RP1: variants seen among roughly 807,000 people sequenced by gnomAD.
RP1 encodes RP1 axonemal microtubule associated.
Under a neutral mutation model 14.8 loss-of-function variants are expected in RP1, and 16 were observed. The ratio of observed to expected loss-of-function variants is 1.08; its 90% CI spans 0.73 to 1.65. The LOEUF (loss-of-function observed/expected upper bound fraction) is 1.65. Among genes scored for constraint, RP1 ranks in the 40% most tolerant of loss-of-function variants. RP1 has a pLI of 0.00. For missense variants in RP1, 2,631 were observed against 2,535.0 expected, an observed-to-expected ratio of 1.04 and a Z score of -0.81; for synonymous variants, 876 against 883.6, an observed-to-expected ratio of 0.99 and a Z score of 0.15.
chr8:54,589,578 G>C (rs1022350718), intron 1 of RP1, among the ~76,000 whole-genome samples: 1 of 152,134 alleles, frequency 6.6e-6, no homozygotes, highest in East Asian at 1.9e-4. Flanking sequence ...CTGCTGCTCA[G>C]CTCTTCCTGA....
intron 23 of RP1, among the ~76,000 whole-genome samples, chr8:54,776,018 G>GA (rs1296760558): frequency 1.3e-5 from 2 of 151,722 alleles, no homozygotes; most frequent in Non-Finnish European, 2.9e-5. Flanking sequence ...AAAAGTTCCA[G>GA]AAAAAAACCC....
At position 54,835,768 on chromosome 8, in the gene RP1, A is replaced by T. The variant is rs554156523; in HGVS notation, c.3616-1682A>T. Reference sequence around the variant, plus strand: ...TAACTTTCAGACTCAGGTCTGTCTGATATCAAAACCTGAGGTTCCATATTT... The same window carrying T: ...TAACTTTCAGACTCAGGTCTGTCTGTTATCAAAACCTGAGGTTCCATATTT... On this transcript the variant is annotated intron_variant, in intron 24 of 28. Transcript: ENST00000637698. 3.3e-5 allele frequency among the ~76,000 whole-genome samples: 5 copies of T among 152,288 alleles called. No individual in the cohort carries two copies. In the South Asian group the frequency reaches 1.0e-3, roughly 32 times the overall value.
At chr8:54,790,424 G>A (rs937273711) in intron 24 of RP1, among the ~76,000 whole-genome samples, 1 of 152,126 alleles carries the variant, frequency 6.6e-6, no homozygotes, top group South Asian at 2.1e-4. Flanking sequence ...AGAATATAAG[G>A]ATCACAAAGA....
chr8:54,569,850 A>T (rs1231641492), intron 1 of RP1, among the ~76,000 whole-genome samples: 1 of 152,224 alleles, frequency 6.6e-6, no homozygotes, highest in Non-Finnish European at 1.5e-5. Context: ...TGTCAGAAAG[A>T]AGCCCAGTCA....
chr8:54,617,350 CTTA>C (rs1269189650), intron 1 of RP1, among the ~76,000 whole-genome samples: 1 of 152,150 alleles, frequency 6.6e-6, no homozygotes, highest in Non-Finnish European at 1.5e-5. Context: ...TAAGATACAC[CTTA>C]TTATCGAAAA....
chr8:54,684,061 T>A (rs1807497140), intron 12 of RP1, among the ~76,000 whole-genome samples: 1 of 151,908 alleles, frequency 6.6e-6, no homozygotes, highest in South Asian at 2.1e-4. Flanking sequence ...CTGTGTCTAT[T>A]GAGATAATCG....
In RP1 at chr8:54,570,992, A is replaced by G. The variant is rs113983265; in HGVS notation, c.-13+11672A>G. Among the ~76,000 whole-genome samples the G allele has an allele frequency of 1.7e-4, 26 of 152,292 alleles. No homozygotes were observed. The East Asian group carries it at 4.7e-3, about 27-fold the overall frequency. Reference sequence around the variant, plus strand: ...GTGGCCTAGGCAGGCAGGAGGGCTCATGTCAGCTGTGACTGGCCGTCATCA... The same window carrying G: ...GTGGCCTAGGCAGGCAGGAGGGCTCGTGTCAGCTGTGACTGGCCGTCATCA... On this transcript the variant is annotated intron_variant, in intron 1 of 22. Coordinates refer to the RP1 transcript ENST00000636932.
chr8:54,852,484 G>T, intron 25 of RP1: 1 of 940,330 alleles, frequency 1.1e-6, no homozygotes, highest in South Asian at 5.6e-5. Flanking sequence ...CTAGATGAAA[G>T]AACATTCTGA....
Position 54,627,538 on chromosome 8 carries a change from G to A in RP1, c.3656G>A (p.Ser1219Asn), listed in dbSNP as rs139588212. Residue 1219 changes from serine (S) to asparagine (N), a missense_variant, in exon 4 of 4, where the codon AGT becomes AAT. Physicochemically the swap from Ser to Asn is conservative, Grantham distance 46. Transcript: ENST00000220676. ...AATTGTTCCACGGTCAACATTCAGAGTGTTCCTAAGTGCAGTGAAAATGAA... is the reference window on the plus strand; with the variant it reads ...AATTGTTCCACGGTCAACATTCAGAATGTTCCTAAGTGCAGTGAAAATGAA... ...SANCSTVNIQ[S>N]VPKCSENERT... is the part of the protein sequence containing the mutation. 9.9e-6 allele frequency: 16 copies of A among 1,614,044 alleles called. No homozygotes were observed. In the African/African-American group the frequency reaches 2.1e-4, roughly 22 times the overall value.
intron 16 of RP1, chr8:54,726,315 G>T (rs1808652651): frequency 6.6e-7 from 1 of 1,508,386 alleles, no homozygotes; most frequent in Non-Finnish European, 8.8e-7. Flanking sequence ...GATTTTGAAA[G>T]GATGGCATCT....
intron 19 of RP1, among the ~76,000 whole-genome samples, chr8:54,751,593 C>T (rs1348128404): frequency 6.6e-6 from 1 of 152,188 alleles, no homozygotes; most frequent in East Asian, 1.9e-4. Context: ...CAAGGCCATA[C>T]ATCTGGTAAA....
intron 26 of RP1, among the ~76,000 whole-genome samples, chr8:54,853,150 A>G (rs1812093928): frequency 6.6e-6 from 1 of 152,200 alleles, no homozygotes; most frequent in Non-Finnish European, 1.5e-5. Context: ...GAAGCTTGGA[A>G]TCAAGAAGCC....
chr8:54,783,638 A>G, exon 24 of RP1: 1 of 1,231,508 alleles, frequency 8.1e-7, no homozygotes, highest in Non-Finnish European at 1.0e-6. Flanking sequence ...GAGAAACAAA[A>G]TGTTCAGGTC....
intron 13 of RP1, among the ~76,000 whole-genome samples, chr8:54,701,081 T>A (rs16920650): frequency 2.6e-4 from 39 of 152,182 alleles, no homozygotes; most frequent in African/African-American, 9.2e-4. Flanking sequence ...CATAACCTTC[T>A]CAATTTGTTT....
chr8:54,713,375 A>G (rs1471326037), intron 15 of RP1, among the ~76,000 whole-genome samples: 1 of 152,208 alleles, frequency 6.6e-6, no homozygotes, highest in Admixed American at 6.5e-5. Flanking sequence ...TTAAAATAAC[A>G]TGGGTGGAAC....
At position 54,821,997 on chromosome 8, in the gene RP1, G is replaced by A. The variant is rs370383551; in HGVS notation, c.3616-15453G>A. 2.6e-5 allele frequency among the ~76,000 whole-genome samples: 4 copies of A among 152,276 alleles called. No individual in the cohort carries two copies. The East Asian group carries it at 5.8e-4, about 22-fold the overall frequency. ...ACTTAACAAGGCTTCCATTGGCTAA[G>A]CTGCAAAGACCATCATCATAATAGT... On this transcript the variant is annotated intron_variant, in intron 24 of 28. Transcript: ENST00000637698.
intron 17 of RP1, chr8:54,726,598 T>G (rs1808660696): frequency 1.0e-6 from 1 of 1,000,996 alleles, no homozygotes; most frequent in Middle Eastern, 2.4e-4. Context: ...CCACATGGAC[T>G]GCTTGTAAGC....
intron 12 of RP1, among the ~76,000 whole-genome samples, chr8:54,686,487 TTC>T (rs1431201442): frequency 1.3e-5 from 2 of 152,112 alleles, no homozygotes; most frequent in Non-Finnish European, 2.9e-5. Flanking sequence ...GAGTACCCAT[TTC>T]TCTGAGTTCT....
intron 18 of RP1, among the ~76,000 whole-genome samples, chr8:54,736,302 A>G (rs1267060472): frequency 6.6e-6 from 1 of 152,210 alleles, no homozygotes; most frequent in Non-Finnish European, 1.5e-5. Flanking sequence ...TATAAATTAA[A>G]AAAGGAATCC....
Sources: allele counts gnomAD v4.1 joint callset (sites outside exome capture counted in the v4.1 genomes callset), GRCh38; gene constraint gnomAD v4.1.1; transcripts MANE v1.5; gene names NCBI Gene and HGNC (gene_info 2026-07-23, HGNC 2026-07-21).